The following FAT3 variants were observed in gnomAD, a reference collection of about 807,000 sequenced individuals.
FAT3 encodes the protein protocadherin Fat 3.
Under a neutral mutation model 310.2 loss-of-function variants are expected in FAT3, and 95 were observed. That is an observed-to-expected ratio of 0.31 (90% CI 0.26 to 0.36). The LOEUF (loss-of-function observed/expected upper bound fraction) is 0.36. FAT3 is among the 10% of genes least tolerant of loss of function. The pLI, the probability that FAT3 is intolerant of heterozygous loss-of-function variation, is 1.00. For synonymous variants in FAT3, 2,314 were observed against 2,192.9 expected, an observed-to-expected ratio of 1.06 and a Z score of -1.54; for missense variants, 5,408 against 5,715.6, an observed-to-expected ratio of 0.95 and a Z score of 1.74.
intron 2 of FAT3, among the ~76,000 whole-genome samples, chr11:92,356,198 C>T (rs982056564): frequency 3.3e-5 from 5 of 152,138 alleles, no homozygotes; most frequent in Admixed American, 1.3e-4. Flanking sequence ...TGTGCCTGGA[C>T]ACATGCATCT....
At position 92,353,663 on chromosome 11, in the gene FAT3, A is replaced by G. The variant is rs1019939580; in HGVS notation, c.1551A>G (p.Leu517=). 2 of 1,613,826 alleles carry G rather than the reference A, an allele frequency of 1.2e-6. No homozygotes were observed. The highest frequency in any genetic ancestry group is 1.7e-6 in the Non-Finnish European group (2 of 1,179,884). The change falls in exon 2 of 28, where the codon TTA becomes TTG. Residue 517 remains leucine, a synonymous_variant. Transcript: ENST00000525166. ...ATAGTATCGCTAGCCTGAATTTGTTACCATTTGTCATTAATCAGTTTACAG... is the reference window on the plus strand; with the variant it reads ...ATAGTATCGCTAGCCTGAATTTGTTGCCATTTGTCATTAATCAGTTTACAG... ...ITYSIASLNL[L]PFVINQFTGV...
At chr11:92,500,996 C>G (rs549058385) in intron 2 of FAT3, among the ~76,000 whole-genome samples, 79 of 152,092 alleles carry the variant, frequency 5.2e-4, no homozygotes, top group African/African-American at 1.8e-3. Flanking sequence ...ACAATGAGAT[C>G]GATTTCCCCC....
chr11:92,890,238 G>A lies in FAT3; in HGVS notation c.13148-253G>A, dbSNP rs148992918. 3.1e-3 allele frequency among the ~76,000 whole-genome samples: 474 copies of A among 152,312 alleles called. 2 individuals carry two copies. The highest frequency in any genetic ancestry group is 7.8e-3 in the African/African-American group (323 of 41,572). On this transcript the variant is annotated intron_variant, in intron 27 of 27. Coordinates refer to ENST00000525166, the MANE Select transcript of FAT3 (RefSeq NM_001367949.2). Reference sequence around the variant, plus strand: ...GGGGTCCTGGAACTGTCTCCTCGGCGTGCCCTCGCTCTTCGTCTCATGGCA... The same window carrying A: ...GGGGTCCTGGAACTGTCTCCTCGGCATGCCCTCGCTCTTCGTCTCATGGCA...
chr11:92,246,650 AG>A (rs1459146395), intron 1 of FAT3, among the ~76,000 whole-genome samples: 1 of 152,084 alleles, frequency 6.6e-6, no homozygotes, highest in East Asian at 1.9e-4. Flanking sequence ...AGAGATTCTA[AG>A]GAAATTGATG....
At chr11:92,517,300 C>G (rs1953518727) in intron 2 of FAT3, among the ~76,000 whole-genome samples, 1 of 152,118 alleles carries the variant, frequency 6.6e-6, no homozygotes, top group Non-Finnish European at 1.5e-5. Context: ...ACCAAAGGGA[C>G]AGAACAGAGG....
At chr11:92,319,374 A>G (rs1020977234) in intron 1 of FAT3, among the ~76,000 whole-genome samples, 17 of 96,630 alleles carry the variant, frequency 1.8e-4, no homozygotes, top group Non-Finnish European at 2.7e-4. Flanking sequence ...GAATTCATAT[A>G]ACACTGAATG....
In FAT3 at chr11:92,761,966, G is replaced by A. The variant is rs760898387; in HGVS notation, c.3780G>A (p.Gln1260=). The change falls in exon 5 of 28, where the codon CAG becomes CAA. Residue 1260 remains glutamine, a synonymous_variant. Coordinates refer to ENST00000525166, the MANE Select transcript of FAT3 (RefSeq NM_001367949.2). ...NKPQFPEKVY[Q]IKLPERDRKK... Reference sequence around the variant, plus strand: ...CCCAGTTCCCAGAGAAGGTCTACCAGATCAAGCTGCCAGAACGTGACCGAA... The same window carrying A: ...CCCAGTTCCCAGAGAAGGTCTACCAAATCAAGCTGCCAGAACGTGACCGAA... 45 of 1,613,864 alleles carry A rather than the reference G, an allele frequency of 2.8e-5. No homozygotes were observed. Among genetic ancestry groups the A allele is most frequent in the Non-Finnish European group, 3.6e-5 (43 of 1,179,880 alleles).
rs147728497 is a variant in FAT3, at chr11:92,443,019, C to A, written c.3293-81615C>A. Among the ~76,000 whole-genome samples, 29 of 152,240 alleles carry A rather than the reference C, an allele frequency of 1.9e-4. No homozygotes were observed. The East Asian group carries it at 5.6e-3, about 29-fold the overall frequency. The stretch of plus-strand genomic sequence containing the variant: ...GCAAACACAAGGGGTGGTTAATCTA[C>A]CTGACAAATGCTGATTTCTCTTATG... On this transcript the variant is annotated intron_variant, in intron 2 of 27. Transcript: ENST00000525166.
At chr11:92,603,413 G>A (rs1940125897) in intron 3 of FAT3, among the ~76,000 whole-genome samples, 1 of 152,156 alleles carries the variant, frequency 6.6e-6, no homozygotes, top group Non-Finnish European at 1.5e-5. Flanking sequence ...AAGATTAATT[G>A]CTTGATTATT....
intron 23 of FAT3, among the ~76,000 whole-genome samples, chr11:92,881,598 G>A (rs1378575378): frequency 6.6e-6 from 1 of 152,094 alleles, no homozygotes; most frequent in Non-Finnish European, 1.5e-5. Flanking sequence ...CTAATTTCCG[G>A]CTGTCCTCAC....
Position 92,815,243 on chromosome 11 carries a change from G to A in FAT3, c.9481+5167G>A, listed in dbSNP as rs576618491. On this transcript the variant is annotated intron_variant, in intron 13 of 27. Transcript: ENST00000525166. ...AGGAGTGTATTAAGAAAAACAATAA[G>A]GGCCAAAATGAGAGTGGTGGCTTTG... is the stretch of plus-strand genomic sequence containing the variant. Among the ~76,000 whole-genome samples the A allele has an allele frequency of 2.0e-4, 31 of 152,178 alleles. No homozygotes were observed. In the East Asian group the frequency reaches 5.2e-3, roughly 26 times the overall value.
intron 1 of FAT3, among the ~76,000 whole-genome samples, chr11:92,257,459 T>G (rs1865362970): frequency 6.6e-6 from 1 of 152,062 alleles, no homozygotes; most frequent in Non-Finnish European, 1.5e-5. Context: ...CTTGAATTGG[T>G]CTCTTGGGTC....
chr11:92,787,483 A>G (rs927331463), intron 7 of FAT3, among the ~76,000 whole-genome samples: 11 of 151,948 alleles, frequency 7.2e-5, no homozygotes, highest in Non-Finnish European at 1.3e-4. Context: ...TACACAGAGA[A>G]GAACTATTCT....
chr11:92,287,483 T>C (rs1946588177), intron 1 of FAT3, among the ~76,000 whole-genome samples: 1 of 152,122 alleles, frequency 6.6e-6, no homozygotes. Context: ...TACAGTATAA[T>C]ATTTTGTACT....
intron 13 of FAT3, 23 bp downstream of exon 13, chr11:92,810,099 C>A (rs1268977897): frequency 6.2e-7 from 1 of 1,603,064 alleles, no homozygotes; most frequent in East Asian, 2.2e-5. Context: ...CAGGCATCTC[C>A]CTGTCACACA....
chr11:92,351,781 A>G (rs938919592), intron 1 of FAT3, among the ~76,000 whole-genome samples: 2 of 152,174 alleles, frequency 1.3e-5, no homozygotes, highest in African/African-American at 2.4e-5. Context: ...GGCTTCCAAT[A>G]TATCTCTAAA....
chr11:92,721,217 T>C (rs992429254), intron 4 of FAT3, among the ~76,000 whole-genome samples: 2 of 152,148 alleles, frequency 1.3e-5, no homozygotes, highest in Non-Finnish European at 2.9e-5. Context: ...ATGCAAGAAA[T>C]AGGTTATTAT....
rs146500205 is a variant in FAT3, at chr11:92,527,213, G to A, written c.3607+2265G>A. On this transcript the variant is annotated intron_variant, in intron 3 of 27. Coordinates refer to ENST00000525166, the MANE Select transcript of FAT3 (RefSeq NM_001367949.2). The stretch of plus-strand genomic sequence containing the variant: ...CTACGAAACACCATAGAACACAGTG[G>A]GGGAAACAGACTGTATTGCACAGTT... Among the ~76,000 whole-genome samples the A allele has an allele frequency of 6.7e-4, 102 of 152,202 alleles. No individual in the cohort carries two copies. In the East Asian group the frequency reaches 0.02, roughly 29 times the overall value.
At chr11:92,568,532 C>A (rs1286776410) in intron 3 of FAT3, among the ~76,000 whole-genome samples, 1 of 152,090 alleles carries the variant, frequency 6.6e-6, no homozygotes, top group Non-Finnish European at 1.5e-5. Flanking sequence ...CCCTAGTACA[C>A]AAAACTGTAA....
Sources: allele counts gnomAD v4.1 joint callset (sites outside exome capture counted in the v4.1 genomes callset), GRCh38; gene constraint gnomAD v4.1.1; transcripts MANE v1.5; gene names NCBI Gene and HGNC (gene_info 2026-07-23, HGNC 2026-07-21).